The following DIS3L2 variants were observed in gnomAD, a reference collection of about 807,000 sequenced individuals.
DIS3L2 encodes the protein DIS3-like exonuclease 2.
In DIS3L2, 34 loss-of-function variants were observed where a neutral mutation model predicts 97.5. The ratio of observed to expected loss-of-function variants is 0.35; its 90% CI spans 0.27 to 0.46. The LOEUF (loss-of-function observed/expected upper bound fraction) is 0.46, where lower values mean the gene tolerates loss of function less well. DIS3L2 is among the 20% of genes least tolerant of loss of function. The pLI is 1.00. For synonymous variants in DIS3L2, 435 were observed against 445.2 expected (o/e 0.98, Z 0.29); for missense variants, 1,038 against 1,146.0 (o/e 0.91, Z 1.36).
intron 1 of DIS3L2, among the ~76,000 whole-genome samples, chr2:231,975,820 G>A (rs1348966719): frequency 6.6e-6 from 1 of 151,606 alleles, no homozygotes; most frequent in African/African-American, 2.4e-5. Context: ...GAGAAAGAAA[G>A]CTCCCTTAGA....
Position 232,245,051 on chromosome 2 carries a change from A to G in DIS3L2, c.1318-4188A>G, listed in dbSNP as rs557054594. Reference sequence around the variant, plus strand: ...TGAAGAAATTATCCATGTGGTTCACACTGCATAGCAAAGTTAATGAGGACA... The same window carrying G: ...TGAAGAAATTATCCATGTGGTTCACGCTGCATAGCAAAGTTAATGAGGACA... On this transcript the variant is annotated intron_variant, in intron 11 of 20. Transcript: ENST00000325385. Among the ~76,000 whole-genome samples the G allele has an allele frequency of 1.3e-5, 2 of 152,378 alleles. 1 individual carries two copies. Among genetic ancestry groups the G allele is most frequent in the South Asian group, 4.1e-4 (2 of 4,828 alleles).
Position 232,281,656 on chromosome 2 carries a change from G to C in DIS3L2, c.1659+18216G>C, listed in dbSNP as rs1694286775. 1.3e-5 allele frequency among the ~76,000 whole-genome samples: 2 copies of C among 152,210 alleles called. No homozygotes were observed. Among genetic ancestry groups the C allele is most frequent in the South Asian group, 4.2e-4 (2 of 4,818 alleles). ...GTGGAATCAGAACCACAAAAGGGAG[G>C]GGGGACACCTGGATATGCCCAGGTT... On this transcript the variant is annotated intron_variant, in intron 13 of 20. Coordinates refer to ENST00000325385, the MANE Select transcript of DIS3L2 (RefSeq NM_152383.5). The surrounding 1 kb of genome is among the most constrained non-coding windows in gnomAD (Gnocchi z 4.1).
chr2:231,974,647 C>T (rs534112981), intron 1 of DIS3L2, among the ~76,000 whole-genome samples: 2 of 150,810 alleles, frequency 1.3e-5, no homozygotes, highest in Admixed American at 1.3e-4. Context: ...ACATAGCTGT[C>T]TCCTCAAACA....
At chr2:232,336,431 C>T (rs756629038) in intron 20 of DIS3L2, 38 bp from the exon 21 acceptor site, 5 of 1,592,948 alleles carry the variant, frequency 3.1e-6, no homozygotes, top group East Asian at 2.3e-5. Context: ...ACATCAGGCC[C>T]TGCCATCCTT....
At chr2:231,981,810 G>A (rs1410977570) in intron 1 of DIS3L2, among the ~76,000 whole-genome samples, 1 of 151,112 alleles carries the variant, frequency 6.6e-6, no homozygotes, top group African/African-American at 2.4e-5. Context: ...GAGGTGGGTG[G>A]ATTGCTTGAG....
chr2:232,165,430 A>C (rs939308453), intron 9 of DIS3L2, among the ~76,000 whole-genome samples: 1 of 152,256 alleles, frequency 6.6e-6, no homozygotes, highest in African/African-American at 2.4e-5. Flanking sequence ...TAAACTGTTA[A>C]CAGTGACTAC....
At chr2:232,144,023 A>G (rs1427817416) in intron 8 of DIS3L2, among the ~76,000 whole-genome samples, 3 of 152,120 alleles carry the variant, frequency 2.0e-5, no homozygotes, top group Non-Finnish European at 4.4e-5. Flanking sequence ...TTTCTAAAAT[A>G]TACTCACATA....
chr2:232,216,395 C>T (rs750614570), intron 10 of DIS3L2, among the ~76,000 whole-genome samples: 13 of 152,220 alleles, frequency 8.5e-5, no homozygotes, highest in Non-Finnish European at 1.9e-4. Flanking sequence ...CACTGCCCAG[C>T]CCTTCAGGCA....
downstream of DIS3L2, among the ~76,000 whole-genome samples, chr2:232,340,027 C>CG (rs1180671271): frequency 2.7e-4 from 41 of 152,182 alleles, no homozygotes; most frequent in African/African-American, 9.9e-4. Context: ...GGCCTGGGCG[C>CG]GTTTAGCTGT....
intron 8 of DIS3L2, among the ~76,000 whole-genome samples, chr2:232,161,921 C>T (rs1690665258): frequency 6.6e-6 from 1 of 151,736 alleles, no homozygotes; most frequent in South Asian, 2.1e-4. Context: ...TATAGGCACG[C>T]ATCACCACGC....
intron 9 of DIS3L2, among the ~76,000 whole-genome samples, chr2:232,194,444 C>G (rs943212655): frequency 5.3e-5 from 8 of 152,018 alleles, no homozygotes; most frequent in African/African-American, 1.9e-4. Flanking sequence ...ACCAAGGTCC[C>G]ATGTTAATGA....
intron 6 of DIS3L2, among the ~76,000 whole-genome samples, chr2:232,122,441 G>A (rs140371908): frequency 5.3e-4 from 81 of 152,310 alleles, no homozygotes; most frequent in African/African-American, 1.8e-3. Flanking sequence ...TACAGGCCAG[G>A]CACGGTGGCT....
intron 8 of DIS3L2, among the ~76,000 whole-genome samples, chr2:232,154,624 C>G (rs368161414): frequency 1.2e-5 from 1 of 81,318 alleles, no homozygotes; most frequent in Admixed American, 1.4e-4. Flanking sequence ...GACAGGGACA[C>G]TTAAGTCTGC....
intron 5 of DIS3L2, among the ~76,000 whole-genome samples, chr2:232,058,330 G>C (rs1438383662): frequency 6.6e-6 from 1 of 152,116 alleles, no homozygotes; most frequent in South Asian, 2.1e-4. Flanking sequence ...CTCTAATTCT[G>C]TGCCCATTTC....
At chr2:232,130,847 T>A in intron 7 of DIS3L2, 128 bp downstream of exon 7, 1 of 1,285,026 alleles carries the variant, frequency 7.8e-7, no homozygotes. Flanking sequence ...CAGAGAATCA[T>A]AAAAAGTGAA....
intron 8 of DIS3L2, among the ~76,000 whole-genome samples, chr2:232,156,846 T>G (rs1002922825): frequency 6.6e-6 from 1 of 152,016 alleles, no homozygotes; most frequent in Admixed American, 6.6e-5. Flanking sequence ...ATGTGGTATA[T>G]CTCATTTTTA....
chr2:232,051,550 C>T (rs899199407), intron 5 of DIS3L2, among the ~76,000 whole-genome samples: 5 of 152,062 alleles, frequency 3.3e-5, no homozygotes, highest in East Asian at 1.9e-4. Flanking sequence ...CGGTGGCTCA[C>T]GCCTGTAATC....
In DIS3L2 at chr2:232,029,921, G is replaced by GT. The variant is rs1281580574; in HGVS notation, c.265-52dup. The stretch of plus-strand genomic sequence containing the variant: ...TTTCAGTTATGAAAGCAGGCAATCT[G>GT]TTTTTTGCTTTATGTGTTTTTAAGC... On this transcript the variant is annotated intron_variant, in intron 4 of 20. Transcript: ENST00000325385. 16 of 1,282,902 alleles carry GT rather than the reference G, an allele frequency of 1.2e-5. No individual in the cohort carries two copies. The African/African-American group carries it at 1.8e-4, about 15-fold the overall frequency. The allele number at this position is 1,282,902 out of a possible 1,614,324, so 79.5% of individuals were successfully genotyped here.
Position 232,238,607 on chromosome 2 carries a change from G to A in DIS3L2, c.1279G>A (p.Ala427Thr). Residue 427 changes from alanine (A) to threonine (T), a missense_variant, in exon 11 of 21, where the codon GCT becomes ACT. Around this residue, in one of 3 missense-constraint regions of DIS3L2, gnomAD observed 813 missense variants for 880.1 expected, o/e 0.92. Transcript: ENST00000325385. The stretch of plus-strand genomic sequence containing the variant: ...GGAGGGATCTGATCTGGATAAAGTG[G>A]CTGCCGAGAGGGCTACAAGCGTCTA... ...VPEGSDLDKV[A>T]AERATSVYLV... The A allele has an allele frequency of 6.2e-7, 1 of 1,614,178 alleles. No homozygotes were observed. The highest frequency in any genetic ancestry group is 8.5e-7 in the Non-Finnish European group (1 of 1,180,018).
Sources: gnomAD v4.1 joint callset for allele counts (sites outside exome capture counted in the v4.1 genomes callset) on GRCh38, gnomAD v4.1.1 for gene constraint, gnomAD v4.1.1 regional missense constraint, Gnocchi (gnomAD v3.1) non-coding constraint, MANE v1.5 for transcripts, NCBI Gene and HGNC (gene_info 2026-07-23, HGNC 2026-07-21) for gene names.